Variants in DCN observed in about 807,000 individuals in gnomAD.
The protein encoded by DCN is bone proteoglycan II.
A neutral mutation model predicts 36.5 loss-of-function variants in DCN; 17 were observed. The observed-to-expected ratio is 0.47, with a 90% CI of 0.32 to 0.70. The LOEUF (loss-of-function observed/expected upper bound fraction) is 0.70. Ranked by LOEUF, DCN falls within the 30% of genes least tolerant of loss-of-function variation. The pLI is 0.04. For missense variants in DCN, 389 were observed against 430.1 expected (o/e 0.90, Z 0.84); for synonymous variants, 163 against 161.4 (o/e 1.01, Z -0.07).
chr12:91,142,350 T>C lies in DCN; in HGVS notation c.*3708A>G, dbSNP rs1278088599. On this transcript the variant is annotated 3_prime_UTR_variant, in exon 8 of 8. Coordinates refer to ENST00000052754, the MANE Select transcript of DCN (RefSeq NM_001920.5). ...ATTGGATGAATGAGAAATGACTGTA[T>C]AAAACATTTTTAGTTTACTTGAGGG... 6.6e-6 allele frequency: 1 copy of C among 152,208 alleles called. No homozygotes were observed. Among genetic ancestry groups the C allele is most frequent in the Non-Finnish European group, 1.5e-5 (1 of 68,040 alleles). The allele number at this position is 152,208 out of a possible 1,614,324, so 9.4% of individuals were successfully genotyped here.
intron 4 of DCN, 67 bp from the exon 5 acceptor site, chr12:91,157,255 T>A (rs1881847357): frequency 1.8e-6 from 2 of 1,109,526 alleles, no homozygotes; most frequent in Non-Finnish European, 2.8e-6. Context: ...CTGTAGTATC[T>A]GTTTCAGCAA....
In DCN at chr12:91,181,434, CAAG is replaced by C. The variant is rs1026068655; in HGVS notation, c.-34+1218_-34+1220del. 4.6e-5 allele frequency among the ~76,000 whole-genome samples: 7 copies of C among 151,836 alleles called. 1 individual carries two copies. The highest frequency in any genetic ancestry group is 4.6e-4 in the Admixed American group (7 of 15,202). On this transcript the variant is annotated intron_variant, in intron 1 of 7. Coordinates refer to ENST00000052754, the MANE Select transcript of DCN (RefSeq NM_001920.5). Reference sequence around the variant, plus strand: ...ATATAAAGAGCAAAGAGCAGCTGTCCAAGTAGTAACCAAAGAGATTGTTATTGA... The same window carrying C: ...ATATAAAGAGCAAAGAGCAGCTGTCCTAGTAACCAAAGAGATTGTTATTGA...
Position 91,145,646 on chromosome 12 carries a change from T to C in DCN, c.*412A>G, listed in dbSNP as rs1373026824. 3.3e-6 allele frequency: 1 copy of C among 302,140 alleles called. No individual in the cohort carries two copies. Among genetic ancestry groups the C allele is most frequent in the Non-Finnish European group, 6.5e-6 (1 of 153,912 alleles). The allele number at this position is 302,140 out of a possible 1,614,324, so 18.7% of individuals were successfully genotyped here. On this transcript the variant is annotated 3_prime_UTR_variant, in exon 8 of 8. Transcript: ENST00000052754. The stretch of plus-strand genomic sequence containing the variant: ...CTTTACCAGTAATGATGGGGATTAA[T>C]ACAGAGCTAGTGTTTGGCATTTGAC...
chr12:91,166,594 G>A (rs1282600836), intron 2 of DCN, among the ~76,000 whole-genome samples: 7 of 152,038 alleles, frequency 4.6e-5, no homozygotes, highest in African/African-American at 7.2e-5. Context: ...ATTCATTGGC[G>A]AACTTAAATT....
chr12:91,154,112 T>TG (rs1251080863), intron 5 of DCN, among the ~76,000 whole-genome samples: 4 of 152,176 alleles, frequency 2.6e-5, no homozygotes, highest in Middle Eastern at 6.8e-3. Context: ...GACACAGAAT[T>TG]GAAAAACCAC....
intron 5 of DCN, among the ~76,000 whole-genome samples, chr12:91,155,064 C>T (rs573548523): frequency 1.3e-5 from 2 of 152,208 alleles, no homozygotes; most frequent in South Asian, 2.1e-4. Context: ...ATAGGTATCC[C>T]AGCCTAAGCA....
chr12:91,146,351 C>CTTTT (rs376886852), intron 7 of DCN, 99 bp from the exon 8 acceptor site: 323 of 317,660 alleles, frequency 1.0e-3, no homozygotes, highest in Middle Eastern at 1.8e-3. Flanking sequence ...TAATCCTTCA[C>CTTTT]TTTTTTTTTT....
At chr12:91,157,270 C>G (rs953386337) in intron 4 of DCN, 82 bp from the exon 5 acceptor site, 1 of 977,138 alleles carries the variant, frequency 1.0e-6, no homozygotes, top group East Asian at 2.4e-5. Flanking sequence ...CAGCAAGCAA[C>G]CTATAAAGAA....
intron 2 of DCN, among the ~76,000 whole-genome samples, chr12:91,170,672 T>C (rs1262709360): frequency 1.3e-5 from 2 of 152,136 alleles, no homozygotes; most frequent in Non-Finnish European, 2.9e-5. Flanking sequence ...ATCATTAGAG[T>C]CAGAATGGCT....
At chr12:91,179,024 T>C (rs1419379306) in intron 1 of DCN, among the ~76,000 whole-genome samples, 1 of 152,154 alleles carries the variant, frequency 6.6e-6, no homozygotes. Flanking sequence ...CTACCACAAT[T>C]ATTTTGATCC....
At chr12:91,159,087 A>G (rs1437852750) in intron 3 of DCN, among the ~76,000 whole-genome samples, 1 of 152,206 alleles carries the variant, frequency 6.6e-6, no homozygotes, top group East Asian at 1.9e-4. Flanking sequence ...ATGTATGTAT[A>G]TGTACGTGTA....
At chr12:91,181,727 G>C (rs1003404848) in intron 1 of DCN, among the ~76,000 whole-genome samples, 1 of 151,930 alleles carries the variant, frequency 6.6e-6, no homozygotes, top group Admixed American at 6.6e-5. Flanking sequence ...TAACCCTCAA[G>C]AGATAAGTGA....
At position 91,144,368 on chromosome 12, in the gene DCN, C is replaced by T. The variant is rs1317369159; in HGVS notation, c.*1690G>A. 1 of 152,162 alleles carries T rather than the reference C, an allele frequency of 6.6e-6. No individual in the cohort carries two copies. The highest frequency in any genetic ancestry group is 1.5e-5 in the Non-Finnish European group (1 of 68,034). The allele number at this position is 152,162 out of a possible 1,614,324, so 9.4% of individuals were successfully genotyped here. On this transcript the variant is annotated 3_prime_UTR_variant, in exon 8 of 8. Coordinates refer to ENST00000052754, the MANE Select transcript of DCN (RefSeq NM_001920.5). The stretch of plus-strand genomic sequence containing the variant: ...ACAACAAAAAAAGTCCATTTATGGA[C>T]ATGCACCTTGAATTCCTGAATGTCT...
At chr12:91,153,327 T>A in intron 5 of DCN, 138 bp from the exon 6 acceptor site, 1 of 665,218 alleles carries the variant, frequency 1.5e-6, no homozygotes, top group East Asian at 2.8e-5. Flanking sequence ...CTTTTATCTT[T>A]TTTTTTCATC....
Position 91,153,112 on chromosome 12 carries a change from G to A in DCN, c.730C>T (p.Leu244=). ...TATTATTACTTAGCCAAATTATTCA[G>A]TCCTTTCAGGCTAGCTGCATCAACT... ...SRVDAASLKG[L]NNLAKLGLSF... The change falls in exon 6 of 8, where the codon CTG becomes TTG. Residue 244 remains leucine (L), a synonymous_variant. Coordinates refer to ENST00000052754, the MANE Select transcript of DCN (RefSeq NM_001920.5). The A allele has an allele frequency of 1.3e-6, 2 of 1,599,454 alleles. No homozygotes were observed. The highest frequency in any genetic ancestry group is 1.7e-4 in the Middle Eastern group (1 of 6,034).
At chr12:91,156,244 A>G (rs1478362701) in intron 5 of DCN, among the ~76,000 whole-genome samples, 1 of 152,150 alleles carries the variant, frequency 6.6e-6, no homozygotes, top group Non-Finnish European at 1.5e-5. Flanking sequence ...GCTTGGTTTT[A>G]GAGAGTAAGC....
In DCN at chr12:91,178,601, G is replaced by A. The variant is rs936938061; in HGVS notation, c.-33-16C>T. ...ACCAGGGAACCTAGGAAACAAATGA[G>A]AGATTTAAGAAGAGTAGCACTGCCT... On this transcript the variant is annotated splice_polypyrimidine_tract_variant and intron_variant, in intron 1 of 7. Transcript: ENST00000052754. 5 of 1,515,708 alleles carry A rather than the reference G, an allele frequency of 3.3e-6. No individual in the cohort carries two copies. In the Admixed American group the frequency reaches 8.4e-5, roughly 25 times the overall value. The allele number at this position is 1,515,708 out of a possible 1,614,324, so 93.9% of individuals were successfully genotyped here.
At chr12:91,177,597 T>C in intron 2 of DCN, 2 of 702,458 alleles carry the variant, frequency 2.8e-6, no homozygotes, top group Non-Finnish European at 5.2e-6. Flanking sequence ...CTAAGTGTAA[T>C]GCTCTTGGAA....
chr12:91,146,194 G>T lies in DCN; in HGVS notation c.944C>A (p.Pro315His), dbSNP rs777270608. 2.0e-5 allele frequency: 32 copies of T among 1,613,402 alleles called. No individual in the cohort carries two copies. Among genetic ancestry groups the T allele is most frequent in the Non-Finnish European group, 2.5e-5 (30 of 1,179,622 alleles). Residue 315 changes from proline to histidine, a missense_variant, in exon 8 of 8, where the codon CCT becomes CAT. By Grantham distance (77) the Pro-to-His change is moderately conservative (BLOSUM62 -2). Transcript: ENST00000052754. ...AGAAGCCTTTTTGGTGTTGTGTCCA[G>T]GTGGGCAGAAGTCACTTGATCCAAC... ...SVVGSSDFCP[P>H]GHNTKKASYS...
Sources: gnomAD v4.1 joint callset for allele counts (sites outside exome capture counted in the v4.1 genomes callset) on GRCh38, gnomAD v4.1.1 for gene constraint, MANE v1.5 for transcripts, NCBI Gene and HGNC (gene_info 2026-07-23, HGNC 2026-07-21) for gene names.